The following SIPA1L2 variants were observed in gnomAD, a reference collection of about 807,000 sequenced individuals.
The protein encoded by SIPA1L2 is signal induced proliferation associated 1 like 2.
SIPA1L2 carries 56 observed loss-of-function variants against 163.9 expected under a neutral mutation model. The observed-to-expected ratio is 0.34, with a 90% CI of 0.28 to 0.43. The LOEUF (loss-of-function observed/expected upper bound fraction) is 0.43. SIPA1L2 is among the 20% of genes least tolerant of loss of function. SIPA1L2 has a pLI of 1.00. For synonymous variants in SIPA1L2, 877 were observed against 865.7 expected (o/e 1.01, Z -0.23); for missense variants, 1,974 against 2,193.5 (o/e 0.90, Z 2.00).
chr1:232,403,547 G>T lies in SIPA1L2; in HGVS notation c.4841C>A (p.Thr1614Asn), dbSNP rs1660471162. The T allele has an allele frequency of 5.6e-6, 9 of 1,613,786 alleles. No individual in the cohort carries two copies. The highest frequency in any genetic ancestry group is 1.3e-5 in the African/African-American group (1 of 74,920). The stretch of plus-strand genomic sequence containing the variant: ...CTGCCCATGCTGCATATCTGTCAGG[G>T]TGCAGAAGGATGCCACCCTCTGGTC... ...YLDQRVASFC[T>N]LTDMQHGQDL... is the part of the protein sequence containing the mutation. Residue 1614 changes from threonine (T) to asparagine (N), a missense_variant, in exon 21 of 23, where the codon ACC becomes AAC. Thr to Asn is a moderately conservative substitution (Grantham distance 65). Around this residue, in one of 3 missense-constraint regions of SIPA1L2, gnomAD observed 1,079 missense variants for 1,150.7 expected, o/e 0.94. Coordinates refer to ENST00000674635, the MANE Select transcript of SIPA1L2 (RefSeq NM_020808.5).
chr1:232,570,501 C>T (rs993401913), intron 2 of SIPA1L2, among the ~76,000 whole-genome samples: 1 of 152,096 alleles, frequency 6.6e-6, no homozygotes, highest in African/African-American at 2.4e-5. Context: ...CTAAAAGAAC[C>T]AAAGCAATTG....
intron 21 of SIPA1L2, 63 bp from the exon 22 acceptor site, chr1:232,402,536 AGTTTTCAC>A: frequency 6.9e-7 from 1 of 1,440,554 alleles, no homozygotes; most frequent in Non-Finnish European, 9.6e-7. Context: ...TTGTTGGTCA[AGTTTTCAC>A]TCGAAAAAAT....
At chr1:232,544,035 G>T (rs789639) in intron 2 of SIPA1L2, among the ~76,000 whole-genome samples, 1,601 of 151,996 alleles carry the variant, frequency 0.011, 9 homozygotes, top group Non-Finnish European at 0.017. Context: ...CTAAAATTAC[G>T]GTTAATATTT....
chr1:232,406,329 G>A (rs2102750701), intron 19 of SIPA1L2, among the ~76,000 whole-genome samples: 1 of 152,308 alleles, frequency 6.6e-6, no homozygotes, highest in African/African-American at 2.4e-5. Context: ...AGCCCCTTCG[G>A]TTTTCTTTCC....
At chr1:232,617,872 C>T (rs750181829) in intron 1 of SIPA1L2, among the ~76,000 whole-genome samples, 1 of 152,156 alleles carries the variant, frequency 6.6e-6, no homozygotes, top group Non-Finnish European at 1.5e-5. Flanking sequence ...CTTTTTAACT[C>T]GTTTACAATA....
chr1:232,404,286 G>A, intron 19 of SIPA1L2, 108 bp from the exon 20 acceptor site: 1 of 889,640 alleles, frequency 1.1e-6, no homozygotes, highest in South Asian at 1.5e-5. Context: ...GTGTGTGATG[G>A]ACCAGGGGAA....
chr1:232,587,934 C>A (rs1660757233), intron 1 of SIPA1L2, among the ~76,000 whole-genome samples: 1 of 152,204 alleles, frequency 6.6e-6, no homozygotes, highest in Non-Finnish European at 1.5e-5. Flanking sequence ...GTGCCTTTCA[C>A]CTTCCACCAT....
intron 3 of SIPA1L2, among the ~76,000 whole-genome samples, chr1:232,500,000 C>A (rs1015445809): frequency 2.0e-5 from 3 of 151,232 alleles, no homozygotes; most frequent in Admixed American, 1.3e-4. Flanking sequence ...TTTTTTGAGA[C>A]GGAGTCTCGC....
chr1:232,443,714 GGCACTGAACTATCTGCCAA>G (rs1422827864), intron 11 of SIPA1L2, 29 bp from the exon 12 acceptor site: 2 of 1,577,442 alleles, frequency 1.3e-6, no homozygotes, highest in East Asian at 4.6e-5. Flanking sequence ...TCATTAACAG[GGCACTGAACTATCTGCCAA>G]GCCCCTTGAC....
At chr1:232,610,693 T>C (rs558188928) in intron 1 of SIPA1L2, among the ~76,000 whole-genome samples, 2 of 152,078 alleles carry the variant, frequency 1.3e-5, no homozygotes, top group Non-Finnish European at 2.9e-5. Flanking sequence ...CCAGAAGAGC[T>C]CAGAGTTCAG....
chr1:232,550,743 G>C (rs1256256904), intron 2 of SIPA1L2, among the ~76,000 whole-genome samples: 1 of 152,230 alleles, frequency 6.6e-6, no homozygotes, highest in African/African-American at 2.4e-5. Flanking sequence ...GCATTTCATT[G>C]AGAAAACGTG....
At chr1:232,424,656 G>C (rs1661781532) in intron 18 of SIPA1L2, among the ~76,000 whole-genome samples, 1 of 152,116 alleles carries the variant, frequency 6.6e-6, no homozygotes, top group Non-Finnish European at 1.5e-5. Flanking sequence ...TTTATAACAG[G>C]CAGGTTATTA....
chr1:232,509,005 T>C (rs995028706), intron 3 of SIPA1L2, among the ~76,000 whole-genome samples: 8 of 152,192 alleles, frequency 5.3e-5, no homozygotes, highest in African/African-American at 9.7e-5. Flanking sequence ...GGCAGGAGAA[T>C]TGCTTGAACC....
chr1:232,529,514 A>T (rs2103079947), intron 2 of SIPA1L2, among the ~76,000 whole-genome samples: 1 of 152,306 alleles, frequency 6.6e-6, no homozygotes, highest in East Asian at 1.9e-4. Context: ...TCCAGGTAAA[A>T]CACCCTTGAG....
chr1:232,439,415 A>C lies in SIPA1L2; in HGVS notation c.3724T>G (p.Phe1242Val). The C allele has an allele frequency of 6.2e-7, 1 of 1,614,184 alleles. No individual in the cohort carries two copies. ...NTSSNSDDKH[F>V]GSGDLMDPEL... Reference sequence around the variant, plus strand: ...GGGTCCATCAGGTCGCCAGACCCAAAGTGCTTGTCGTCACTGTTGCTGGAG... The same window carrying C: ...GGGTCCATCAGGTCGCCAGACCCAACGTGCTTGTCGTCACTGTTGCTGGAG... Residue 1242 changes from phenylalanine to valine, a missense_variant, in exon 15 of 23, where the codon TTT becomes GTT. By Grantham distance (50) the Phe-to-Val change is conservative. Transcript: ENST00000674635.
intron 2 of SIPA1L2, among the ~76,000 whole-genome samples, chr1:232,569,036 T>A (rs1299444772): frequency 6.6e-6 from 1 of 152,226 alleles, no homozygotes; most frequent in Non-Finnish European, 1.5e-5. Context: ...GTACTGCACT[T>A]ACAGAAATTA....
intron 1 of SIPA1L2, among the ~76,000 whole-genome samples, chr1:232,614,576 G>C (rs765006436): frequency 2.0e-5 from 3 of 152,214 alleles, no homozygotes; most frequent in Non-Finnish European, 2.9e-5. Flanking sequence ...AAAGGCTCAA[G>C]AAATGCTCAG....
chr1:232,595,533 G>A (rs1661213254), intron 1 of SIPA1L2, among the ~76,000 whole-genome samples: 1 of 152,140 alleles, frequency 6.6e-6, no homozygotes, highest in African/African-American at 2.4e-5. Flanking sequence ...AGGAGAGAAG[G>A]CCAGGGGTCC....
chr1:232,463,943 A>G (rs985071215), intron 9 of SIPA1L2, among the ~76,000 whole-genome samples: 4 of 152,180 alleles, frequency 2.6e-5, no homozygotes, highest in African/African-American at 7.2e-5. Flanking sequence ...ATGGTCTCTA[A>G]TAACAAAAGG....
Sources: allele counts gnomAD v4.1 joint callset (sites outside exome capture counted in the v4.1 genomes callset), GRCh38; gene constraint gnomAD v4.1.1; regional missense constraint gnomAD v4.1.1; transcripts MANE v1.5; gene names NCBI Gene and HGNC (gene_info 2026-07-23, HGNC 2026-07-21).